RIBC2: variants seen among roughly 807,000 people sequenced by gnomAD.
The protein encoded by RIBC2 is RIB43A-like with coiled-coils protein 2.
RIBC2 carries 40 observed loss-of-function variants against 44.3 expected under a neutral mutation model. That is an observed-to-expected ratio of 0.90 (90% CI 0.70 to 1.18). RIBC2 has a LOEUF of 1.18. RIBC2 is among the 50% of genes most tolerant of loss of function. RIBC2 has a pLI of 0.00. For synonymous variants in RIBC2, 171 were observed against 175.0 expected, an observed-to-expected ratio of 0.98 and a Z score of 0.18; for missense variants, 459 against 485.5, an observed-to-expected ratio of 0.95 and a Z score of 0.51.
chr22:45,422,393 C>G lies in RIBC2; in HGVS notation c.660C>G (p.Asp220Glu). ...TRKAVCASVK[D>E]FNKSQAIESV... Reference sequence around the variant, plus strand: ...AGGCAGTTTGTGCATCTGTGAAAGACTTCAACAAGAGCCAGGTATAGGTAC... The same window carrying G: ...AGGCAGTTTGTGCATCTGTGAAAGAGTTCAACAAGAGCCAGGTATAGGTAC... The change falls in exon 4 of 7, where the codon GAC becomes GAG. Residue 220 changes from aspartate to glutamate, a missense_variant. Asp to Glu is a conservative substitution (Grantham distance 45). Transcript: ENST00000614167. 1 of 1,613,782 alleles carries G rather than the reference C, an allele frequency of 6.2e-7. No individual in the cohort carries two copies. The highest frequency in any genetic ancestry group is 8.5e-7 in the Non-Finnish European group (1 of 1,179,662).
chr22:45,424,085 T>C (rs559997334), intron 4 of RIBC2, among the ~76,000 whole-genome samples: 1 of 152,130 alleles, frequency 6.6e-6, no homozygotes, highest in African/African-American at 2.4e-5. Context: ...AGATGTTTAA[T>C]GGGCATCCAC....
chr22:45,431,500 C>T (rs1241941892), intron 6 of RIBC2, among the ~76,000 whole-genome samples: 2 of 152,208 alleles, frequency 1.3e-5, no homozygotes, highest in African/African-American at 2.4e-5. Context: ...AAGAAGATGT[C>T]AAATGCAAGC....
chr22:45,424,469 C>T (rs2087515099), intron 4 of RIBC2, among the ~76,000 whole-genome samples: 1 of 152,238 alleles, frequency 6.6e-6, no homozygotes, highest in African/African-American at 2.4e-5. Flanking sequence ...AATGAGGAAG[C>T]GACAACACCC....
intron 2 of RIBC2, among the ~76,000 whole-genome samples, chr22:45,415,268 C>T (rs576493353): frequency 1.4e-5 from 2 of 147,262 alleles, no homozygotes; most frequent in East Asian, 2.0e-4. Flanking sequence ...GAAAAAAAAG[C>T]AGGATACAAA....
rs1247188035 is a variant in RIBC2 at position 45,432,379 on chromosome 22, G to C, written c.*17G>C. The C allele has an allele frequency of 1.3e-6, 2 of 1,531,380 alleles. No individual in the cohort carries two copies. The highest frequency in any genetic ancestry group is 1.8e-6 in the Non-Finnish European group (2 of 1,112,108). 94.9% of individuals were successfully genotyped at this position (1,531,380 alleles called of 1,614,324 possible). ...AGTCGATAATGAGGAACACACCCTT[G>C]TTCCCGTCATTCACGTATAAAGAGT... is the stretch of plus-strand genomic sequence containing the variant. On this transcript the variant is annotated 3_prime_UTR_variant, in exon 7 of 7. Transcript: ENST00000614167.
rs781135211 is a variant in RIBC2 at position 45,413,736 on chromosome 22, G to A, written c.-151G>A. 1.7e-6 allele frequency: 2 copies of A among 1,201,396 alleles called. No individual in the cohort carries two copies. Among genetic ancestry groups the A allele is most frequent in the Non-Finnish European group, 2.3e-6 (2 of 863,728 alleles). The allele number at this position is 1,201,396 out of a possible 1,614,324, so 74.4% of individuals were successfully genotyped here. On this transcript the variant is annotated 5_prime_UTR_variant, in exon 1 of 7. Transcript: ENST00000614167. ...AGAGCGGGAGCGTCTGTACCTCTGC[G>A]GCGTCACTGGGAGCCCGACGGAAAA...
chr22:45,416,749 C>G (rs1425269252), intron 2 of RIBC2, among the ~76,000 whole-genome samples: 2 of 152,010 alleles, frequency 1.3e-5, no homozygotes, highest in South Asian at 4.2e-4. Context: ...CGTGAGCCAC[C>G]ATGCCTGGCC....
Position 45,426,004 on chromosome 22 carries a change from C to G in RIBC2, c.732C>G (p.Asn244Lys), listed in dbSNP as rs2087529963. The G allele has an allele frequency of 6.2e-7, 1 of 1,614,116 alleles. No homozygotes were observed. The highest frequency in any genetic ancestry group is 8.5e-7 in the Non-Finnish European group (1 of 1,180,022). Residue 244 changes from asparagine to lysine, a missense_variant, in exon 5 of 7, where the codon AAC becomes AAG. Asn to Lys is a moderately conservative substitution (Grantham distance 94). Coordinates refer to ENST00000614167, the MANE Select transcript of RIBC2 (RefSeq NM_015653.5). ...AGAAAAAGCAAGAACAAGAGGACAA[C>G]TTGGCCGAGATCACCAACCTCCTGC... Reference protein sequence around the residue: ...KQEKKQEQEDNLAEITNLLRG... With the variant: ...KQEKKQEQEDKLAEITNLLRG...
At chr22:45,430,744 C>T (rs2087571712) in intron 5 of RIBC2, among the ~76,000 whole-genome samples, 156 bp from the exon 6 acceptor site, 1 of 152,168 alleles carries the variant, frequency 6.6e-6, no homozygotes, top group African/African-American at 2.4e-5. Context: ...CTGGGGGTCT[C>T]CTCTGGCTTC....
At chr22:45,418,234 G>A (rs974397039) in intron 3 of RIBC2, 17 of 247,194 alleles carry the variant, frequency 6.9e-5, no homozygotes, top group Non-Finnish European at 1.1e-4. Flanking sequence ...GTTGGATGCC[G>A]GCGTGCAGAG....
Position 45,413,848 on chromosome 22 carries a change from T to C in RIBC2, c.-39T>C. 6.6e-7 allele frequency: 1 copy of C among 1,515,536 alleles called. No homozygotes were observed. 93.9% of individuals were successfully genotyped at this position (1,515,536 alleles called of 1,614,324 possible). On this transcript the variant is annotated 5_prime_UTR_variant, in exon 1 of 7. Transcript: ENST00000614167. ...GCTTCCTTATTTTCGTCGCCTGTTC[T>C]CCTGATCCTGCGTGTTCTAAAAACC...
intron 5 of RIBC2, among the ~76,000 whole-genome samples, chr22:45,428,299 T>G (rs1317573506): frequency 1.3e-5 from 2 of 152,198 alleles, no homozygotes; most frequent in Admixed American, 6.5e-5. Context: ...CAGACAGCAC[T>G]TACAAGGCGT....
intron 1 of RIBC2, 131 bp from the exon 2 acceptor site, chr22:45,414,191 C>A: frequency 1.4e-6 from 2 of 1,479,044 alleles, no homozygotes; most frequent in Non-Finnish European, 1.8e-6. Context: ...CAACGGTTCT[C>A]CTCCCCTGAG....
At position 45,418,039 on chromosome 22, in the gene RIBC2, T is replaced by G. The variant is rs1236994606; in HGVS notation, c.556+93T>G. 25 of 957,540 alleles carry G rather than the reference T, an allele frequency of 2.6e-5. No homozygotes were observed. The Admixed American group carries it at 2.7e-4, about 10-fold the overall frequency. 59.3% of individuals were successfully genotyped at this position (957,540 alleles called of 1,614,324 possible). On this transcript the variant is annotated intron_variant, in intron 3 of 6. Coordinates refer to ENST00000614167, the MANE Select transcript of RIBC2 (RefSeq NM_015653.5). ...TTTTTTTTAAGCAACCCTACAGTTTTTTTTTTTTTTTAAGCAACCCTACAG... is the reference window on the plus strand; with the variant it reads ...TTTTTTTTAAGCAACCCTACAGTTTGTTTTTTTTTTTAAGCAACCCTACAG...
At chr22:45,418,670 C>G (rs904939575) in intron 3 of RIBC2, among the ~76,000 whole-genome samples, 1 of 152,174 alleles carries the variant, frequency 6.6e-6, no homozygotes, top group Non-Finnish European at 1.5e-5. Context: ...GAAGACAAAA[C>G]AGGGACCAGG....
chr22:45,432,421 C>CA lies in RIBC2; in HGVS notation c.*60dup. On this transcript the variant is annotated 3_prime_UTR_variant, in exon 7 of 7. Coordinates refer to ENST00000614167, the MANE Select transcript of RIBC2 (RefSeq NM_015653.5). ...ATAAAGAGTGGCTACCTTAAAGAGT[C>CA]ACGTTTCTTTTTTAAAGATACACTC... 1.7e-6 allele frequency: 2 copies of CA among 1,172,904 alleles called. No homozygotes were observed. Among genetic ancestry groups the CA allele is most frequent in the Non-Finnish European group, 2.5e-6 (2 of 798,856 alleles). 72.7% of individuals were successfully genotyped at this position (1,172,904 alleles called of 1,614,324 possible). A position where few individuals can be genotyped will look rare whatever the true frequency, so the allele number is the denominator to read the frequency against.
rs2087531318 is a variant in RIBC2 at position 45,426,069 on chromosome 22, G to C, written c.797G>C (p.Ser266Thr). Residue 266 changes from serine (S) to threonine (T), a missense_variant, in exon 5 of 7, where the codon AGC becomes ACC. Transcript: ENST00000614167. Reference protein sequence around the residue: ...LLSENPQQAASSFGPHRVVPD... With the variant: ...LLSENPQQAATSFGPHRVVPD... ...TCCGAGAACCCGCAGCAGGCAGCCA[G>C]CTCCTTCGGGCCCCACCGCGTGGTC... 2.5e-6 allele frequency: 4 copies of C among 1,614,054 alleles called. No homozygotes were observed. Among genetic ancestry groups the C allele is most frequent in the Middle Eastern group, 3.3e-4 (2 of 6,060 alleles).
At position 45,417,751 on chromosome 22, in the gene RIBC2, C is replaced by T. The variant is rs761122734; in HGVS notation, c.361C>T (p.Leu121=). The T allele has an allele frequency of 2.5e-6, 4 of 1,614,034 alleles. No homozygotes were observed. The highest frequency in any genetic ancestry group is 8.5e-7 in the Non-Finnish European group (1 of 1,180,032). Residue 121 remains leucine, a synonymous_variant, in exon 3 of 7, where the codon CTA becomes TTA. Transcript: ENST00000614167. ...CCGTGAATTTGATCTGTCCGACCCC[C>T]TAGCCCTTAAGAAAGATCTTCCAGC... ...TRREFDLSDP[L]ALKKDLPARQ...
At chr22:45,420,132 G>A (rs546744912) in intron 3 of RIBC2, among the ~76,000 whole-genome samples, 9 of 152,054 alleles carry the variant, frequency 5.9e-5, no homozygotes, top group African/African-American at 9.7e-5. Flanking sequence ...GACCTACAAC[G>A]CCTTCACAGT....
Sources: allele counts gnomAD v4.1 joint callset (sites outside exome capture counted in the v4.1 genomes callset), GRCh38; gene constraint gnomAD v4.1.1; transcripts MANE v1.5; gene names NCBI Gene and HGNC (gene_info 2026-07-23, HGNC 2026-07-21).